Variants in PEAK1 observed in about 807,000 individuals in gnomAD.
PEAK1 encodes inactive tyrosine-protein kinase PEAK1.
In PEAK1, 54 loss-of-function variants were observed where a neutral mutation model predicts 124.7. That is an observed-to-expected ratio of 0.43 (90% confidence interval 0.35 to 0.54). PEAK1 has a LOEUF of 0.54. Ranked by LOEUF, PEAK1 falls within the 20% of genes least tolerant of loss-of-function variation. The probability of loss-of-function intolerance (pLI) is 0.01; values close to 1 mark genes in which losing one functional copy is unlikely to be tolerated. For missense variants in PEAK1, 2,046 were observed against 2,134.5 expected (o/e 0.96, Z 0.82); for synonymous variants, 719 against 760.0 (o/e 0.95, Z 0.89).
chr15:77,264,728 T>C (rs2152944921), intron 5 of PEAK1, among the ~76,000 whole-genome samples: 1 of 152,192 alleles, frequency 6.6e-6, no homozygotes, highest in East Asian at 1.9e-4. Context: ...TACCAATGAC[T>C]TTCTTCACAG....
chr15:77,143,396 CT>C (rs769476862), intron 8 of PEAK1, among the ~76,000 whole-genome samples: 17 of 152,254 alleles, frequency 1.1e-4, no homozygotes, highest in Non-Finnish European at 1.9e-4. Flanking sequence ...ACACAAACCA[CT>C]AGAGAGATGT....
In PEAK1 at chr15:77,347,315, G is replaced by C. The variant is rs941995350; in HGVS notation, c.-603+17848C>G. 4 of 985,060 alleles carry C rather than the reference G, an allele frequency of 4.1e-6. No homozygotes were observed. In the South Asian group the frequency reaches 1.4e-4, roughly 35 times the overall value. The allele number at this position is 985,060 out of a possible 1,614,324, so 61.0% of individuals were successfully genotyped here. Reference sequence around the variant, plus strand: ...CTTTTGGACTAGTAATGACCACCAGGAAACCTTCAACAAAAAAAAGATAAG... The same window carrying C: ...CTTTTGGACTAGTAATGACCACCAGCAAACCTTCAACAAAAAAAAGATAAG... On this transcript the variant is annotated intron_variant, in intron 2 of 9. Coordinates refer to ENST00000682557, the MANE Select transcript of PEAK1 (RefSeq NM_001385026.1).
intron 6 of PEAK1, among the ~76,000 whole-genome samples, chr15:77,194,126 C>T (rs2057991065): frequency 6.6e-6 from 1 of 152,134 alleles, no homozygotes; most frequent in Non-Finnish European, 1.5e-5. Flanking sequence ...CATTGGCAGA[C>T]ATTCAGACTG....
At chr15:77,140,941 G>A (rs1480513084) in intron 8 of PEAK1, among the ~76,000 whole-genome samples, 1 of 152,056 alleles carries the variant, frequency 6.6e-6, no homozygotes, top group Admixed American at 6.5e-5. Context: ...GAGCTCAAGT[G>A]ACCTGCCTGC....
At position 77,178,709 on chromosome 15, in the gene PEAK1, G is replaced by A. The variant is rs1038595887; in HGVS notation, c.3137+81C>T. 9.7e-6 allele frequency: 13 copies of A among 1,345,534 alleles called. No homozygotes were observed. The Admixed American group carries it at 1.5e-4, about 15-fold the overall frequency. 83.3% of individuals were successfully genotyped at this position (1,345,534 alleles called of 1,614,324 possible). A position where few individuals can be genotyped will look rare whatever the true frequency, so the allele number is the denominator to read the frequency against. On this transcript the variant is annotated intron_variant, in intron 7 of 9. Transcript: ENST00000682557. ...ACTTACAAACAGAAATGGTTCTTAT[G>A]CAATCTTAAAAGATATAAAAAACTT...
At chr15:77,329,042 T>C (rs987835330) in intron 2 of PEAK1, among the ~76,000 whole-genome samples, 5 of 152,222 alleles carry the variant, frequency 3.3e-5, no homozygotes, top group African/African-American at 4.8e-5. Context: ...TAAGATGATA[T>C]ATACTTTCTC....
At chr15:77,393,694 A>T (rs1449964114) in intron 1 of PEAK1, among the ~76,000 whole-genome samples, 2 of 152,158 alleles carry the variant, frequency 1.3e-5, no homozygotes, top group African/African-American at 4.8e-5. Flanking sequence ...CACCTCATAC[A>T]TTCCCAGCTG....
chr15:77,337,391 T>C (rs2066268357), intron 2 of PEAK1: 2 of 948,492 alleles, frequency 2.1e-6, no homozygotes, highest in East Asian at 1.2e-4. Flanking sequence ...CATTGAAGAT[T>C]ATAATAATGT....
intron 2 of PEAK1, chr15:77,337,126 T>G: frequency 1.0e-6 from 1 of 985,062 alleles, no homozygotes; most frequent in Non-Finnish European, 1.2e-6. Flanking sequence ...GCCCTCAAGA[T>G]GCCAACAGTA....
intron 2 of PEAK1, chr15:77,348,184 G>GAAAAA (rs371641400): frequency 4.7e-6 from 4 of 852,922 alleles, no homozygotes; most frequent in Non-Finnish European, 2.7e-6. Flanking sequence ...CACATGCTAA[G>GAAAAA]AAAAAAAAAA....
intron 6 of PEAK1, among the ~76,000 whole-genome samples, chr15:77,194,764 G>A (rs937240994): frequency 5.9e-5 from 9 of 152,218 alleles, no homozygotes; most frequent in African/African-American, 2.2e-4. Context: ...GGAGACAGCA[G>A]CATTCAGACA....
intron 2 of PEAK1, among the ~76,000 whole-genome samples, chr15:77,321,665 A>G (rs1445185450): frequency 6.6e-6 from 1 of 152,226 alleles, no homozygotes; most frequent in East Asian, 1.9e-4. Context: ...GTTTAATTAG[A>G]TCCCAATTGT....
chr15:77,131,012 T>C (rs1263235617), intron 9 of PEAK1, among the ~76,000 whole-genome samples: 1 of 152,232 alleles, frequency 6.6e-6, no homozygotes, highest in Non-Finnish European at 1.5e-5. Flanking sequence ...AAGTCCACAC[T>C]TTATTTATTA....
intron 2 of PEAK1, among the ~76,000 whole-genome samples, chr15:77,312,718 T>C (rs1267846119): frequency 1.3e-5 from 2 of 152,262 alleles, no homozygotes; most frequent in Non-Finnish European, 2.9e-5. Context: ...ATCAGTTCCA[T>C]ATTCCTGGCA....
chr15:77,143,062 T>G (rs2053908799), intron 8 of PEAK1, among the ~76,000 whole-genome samples: 2 of 152,180 alleles, frequency 1.3e-5, no homozygotes, highest in Non-Finnish European at 2.9e-5. Context: ...ATCTTCTCAT[T>G]CCTCTGTGCC....
At chr15:77,318,927 C>T (rs1414819258) in intron 2 of PEAK1, among the ~76,000 whole-genome samples, 2 of 152,170 alleles carry the variant, frequency 1.3e-5, no homozygotes, top group African/African-American at 2.4e-5. Context: ...CCACGAACCA[C>T]CTAACAATGT....
intron 8 of PEAK1, among the ~76,000 whole-genome samples, chr15:77,136,642 G>A (rs1451778307): frequency 6.6e-6 from 1 of 151,684 alleles, no homozygotes; most frequent in Non-Finnish European, 1.5e-5. Flanking sequence ...CTCCAGTATT[G>A]GTGACAGAGT....
At chr15:77,361,487 G>A (rs2067883114) in intron 2 of PEAK1, among the ~76,000 whole-genome samples, 1 of 152,078 alleles carries the variant, frequency 6.6e-6, no homozygotes, top group Non-Finnish European at 1.5e-5. Context: ...GCTCAACATT[G>A]TTAATCAAGG....
At chr15:77,132,415 C>T (rs933275965) in intron 9 of PEAK1, among the ~76,000 whole-genome samples, 3 of 151,580 alleles carry the variant, frequency 2.0e-5, no homozygotes, top group Admixed American at 2.0e-4. Flanking sequence ...ACTTCTTTGG[C>T]TGGGCATGGT....
Sources: allele counts gnomAD v4.1 joint callset (sites outside exome capture counted in the v4.1 genomes callset), GRCh38; gene constraint gnomAD v4.1.1; transcripts MANE v1.5; gene names NCBI Gene and HGNC (gene_info 2026-07-23, HGNC 2026-07-21).